Variants in ATF6 observed in about 807,000 individuals in gnomAD.
ATF6 encodes the protein activating transcription factor 6, also known as cyclic AMP-dependent transcription factor ATF-6 alpha.
ATF6 carries 53 observed loss-of-function variants against 83.6 expected under a neutral mutation model. The observed-to-expected ratio is 0.63, with a 90% CI of 0.51 to 0.80. ATF6 has a LOEUF of 0.80. Ranked by LOEUF, ATF6 falls within the 30% of genes least tolerant of loss-of-function variation. The pLI is 0.00. For synonymous variants in ATF6, 288 were observed against 285.8 expected, an observed-to-expected ratio of 1.01 and a Z score of -0.08; for missense variants, 744 against 797.9, an observed-to-expected ratio of 0.93 and a Z score of 0.81.
intron 14 of ATF6, among the ~76,000 whole-genome samples, chr1:161,864,692 C>A (rs1686953340): frequency 6.6e-6 from 1 of 152,110 alleles, no homozygotes; most frequent in South Asian, 2.1e-4. Flanking sequence ...CACAAAATTC[C>A]CTGTGTTCAC....
chr1:161,891,986 G>C (rs966157413), intron 14 of ATF6: 5 of 152,182 alleles, frequency 3.3e-5, no homozygotes, highest in Non-Finnish European at 7.4e-5. Flanking sequence ...AATGGTTTTA[G>C]GGGCTACTTA....
chr1:161,956,474 C>A (rs142077954), intron 15 of ATF6, among the ~76,000 whole-genome samples: 2 of 152,190 alleles, frequency 1.3e-5, no homozygotes, highest in South Asian at 2.1e-4. Context: ...TTTGGAAAAC[C>A]CTTTGATGAG....
At chr1:161,919,967 A>G (rs1290128759) in intron 15 of ATF6, among the ~76,000 whole-genome samples, 1 of 152,192 alleles carries the variant, frequency 6.6e-6, no homozygotes, top group Non-Finnish European at 1.5e-5. Flanking sequence ...GAATATTCAT[A>G]TAACTGCTTT....
chr1:161,830,237 A>AC (rs1686018701), intron 9 of ATF6, among the ~76,000 whole-genome samples: 1 of 152,218 alleles, frequency 6.6e-6, no homozygotes. Context: ...AATCCAACTT[A>AC]AAGGGATGTG....
At chr1:161,946,364 C>G (rs1423134370) in intron 15 of ATF6, among the ~76,000 whole-genome samples, 1 of 152,142 alleles carries the variant, frequency 6.6e-6, no homozygotes, top group African/African-American at 2.4e-5. Flanking sequence ...TTTGATTTAC[C>G]TTGGTGTTAA....
At chr1:161,872,249 C>T (rs115130351) in intron 14 of ATF6, among the ~76,000 whole-genome samples, 3 of 151,700 alleles carry the variant, frequency 2.0e-5, no homozygotes, top group Non-Finnish European at 4.4e-5. Context: ...ATTGTGACAT[C>T]GTTTAGAAAT....
intron 2 of ATF6, among the ~76,000 whole-genome samples, chr1:161,780,399 A>T (rs1684606748): frequency 6.6e-6 from 1 of 150,510 alleles, no homozygotes; most frequent in South Asian, 2.1e-4. Context: ...TTTGAGACGG[A>T]GTCTTGCTCT....
chr1:161,915,441 A>C (rs530579923), intron 15 of ATF6, among the ~76,000 whole-genome samples: 120 of 152,310 alleles, frequency 7.9e-4, no homozygotes, highest in Admixed American at 2.5e-3. Flanking sequence ...GTTTTACTGC[A>C]ATAATCATCA....
chr1:161,955,034 G>A (rs771911880), intron 15 of ATF6, among the ~76,000 whole-genome samples: 3 of 152,178 alleles, frequency 2.0e-5, no homozygotes, highest in Non-Finnish European at 4.4e-5. Flanking sequence ...AAATGGTTCA[G>A]TCTTTGCACA....
At chr1:161,899,675 G>A (rs888800517) in intron 14 of ATF6, among the ~76,000 whole-genome samples, 5 of 152,098 alleles carry the variant, frequency 3.3e-5, no homozygotes, top group African/African-American at 1.2e-4. Context: ...AATAAAGTAA[G>A]TGTAGTCAAC....
intron 1 of ATF6, among the ~76,000 whole-genome samples, chr1:161,774,222 T>C (rs778597111): frequency 5.9e-5 from 9 of 152,200 alleles, no homozygotes; most frequent in Non-Finnish European, 1.3e-4. Context: ...TCTGCCGCTA[T>C]GAGAATCCTG....
At chr1:161,897,619 A>G (rs1458535191) in intron 14 of ATF6, among the ~76,000 whole-genome samples, 2 of 152,198 alleles carry the variant, frequency 1.3e-5, no homozygotes, top group Admixed American at 6.6e-5. Context: ...GTCATTTCCC[A>G]AAAGAAGTTT....
intron 14 of ATF6, among the ~76,000 whole-genome samples, chr1:161,876,448 A>G (rs1406919684): frequency 6.6e-6 from 1 of 152,012 alleles, no homozygotes; most frequent in Admixed American, 6.6e-5. Context: ...ATTGCATTAT[A>G]TTAATAACTT....
Position 161,962,404 on chromosome 1 carries a change from C to T in ATF6, c.*3750C>T, listed in dbSNP as rs1011270800. ...CGCAGCGAGATGCTGGTGAGACTGC[C>T]GTGGTGGCATTTAGCATCGTTAAAA... On this transcript the variant is annotated 3_prime_UTR_variant, in exon 16 of 16. Transcript: ENST00000367942. 2 of 152,164 alleles carry T rather than the reference C, an allele frequency of 1.3e-5. No homozygotes were observed. The highest frequency in any genetic ancestry group is 3.8e-4 in the East Asian group (2 of 5,202). 9.4% of individuals were successfully genotyped at this position (152,164 alleles called of 1,614,324 possible).
chr1:161,881,694 A>G (rs765224565), intron 14 of ATF6, among the ~76,000 whole-genome samples: 2 of 152,114 alleles, frequency 1.3e-5, no homozygotes, highest in African/African-American at 2.4e-5. Flanking sequence ...TATCAAATAC[A>G]TGACTTGTAA....
At position 161,958,973 on chromosome 1, in the gene ATF6, T is replaced by A; in HGVS notation, c.*319T>A. The A allele has an allele frequency of 4.6e-6, 1 of 215,800 alleles. No homozygotes were observed. Among genetic ancestry groups the A allele is most frequent in the Non-Finnish European group, 9.2e-6 (1 of 108,166 alleles). The allele number at this position is 215,800 out of a possible 1,614,324, so 13.4% of individuals were successfully genotyped here. Reference sequence around the variant, plus strand: ...CTCTTCCCTCTGTGATGGTTTTGTGTTTAAACAGTCATCTTCTTTTAAATA... The same window carrying A: ...CTCTTCCCTCTGTGATGGTTTTGTGATTAAACAGTCATCTTCTTTTAAATA... On this transcript the variant is annotated 3_prime_UTR_variant, in exon 16 of 16. Coordinates refer to ENST00000367942, the MANE Select transcript of ATF6 (RefSeq NM_007348.4).
At chr1:161,943,377 A>G (rs1688689792) in intron 15 of ATF6, among the ~76,000 whole-genome samples, 1 of 152,160 alleles carries the variant, frequency 6.6e-6, no homozygotes, top group Non-Finnish European at 1.5e-5. Context: ...CCATGATTGT[A>G]AGTTTCCTGA....
chr1:161,928,773 T>C (rs566024554), intron 15 of ATF6, among the ~76,000 whole-genome samples: 1 of 152,354 alleles, frequency 6.6e-6, no homozygotes, highest in African/African-American at 2.4e-5. Context: ...GAATTTACTG[T>C]CTGCATTTCC....
chr1:161,868,995 G>A (rs983654654), intron 14 of ATF6, among the ~76,000 whole-genome samples: 8 of 151,882 alleles, frequency 5.3e-5, no homozygotes, highest in African/African-American at 1.7e-4. Context: ...AGAAGGGATG[G>A]GTTCTACTAT....
Sources: gnomAD v4.1 joint callset for allele counts (sites outside exome capture counted in the v4.1 genomes callset) on GRCh38, gnomAD v4.1.1 for gene constraint, MANE v1.5 for transcripts, NCBI Gene and HGNC (gene_info 2026-07-23, HGNC 2026-07-21) for gene names.